The following RAB3GAP2 variants were observed in gnomAD, a reference collection of about 807,000 sequenced individuals.
RAB3GAP2 encodes rab3 GTPase-activating protein non-catalytic subunit.
Under a neutral mutation model 185.3 loss-of-function variants are expected in RAB3GAP2, and 87 were observed. That is an observed-to-expected ratio of 0.47 (90% confidence interval 0.39 to 0.56). RAB3GAP2 has a LOEUF of 0.56. RAB3GAP2 is among the 20% of genes least tolerant of loss of function. The probability of loss-of-function intolerance (pLI) is 0.00; values close to 1 mark genes in which losing one functional copy is unlikely to be tolerated. For missense variants in RAB3GAP2, 1,492 were observed against 1,638.2 expected (o/e 0.91, Z 1.54); for synonymous variants, 554 against 576.1 (o/e 0.96, Z 0.55).
At chr1:220,163,194 T>G (rs982036681) in intron 27 of RAB3GAP2, among the ~76,000 whole-genome samples, 1 of 152,100 alleles carries the variant, frequency 6.6e-6, no homozygotes. Flanking sequence ...AATTAGGCAA[T>G]GTAAACATGG....
At chr1:220,212,101 C>G (rs4351641) in intron 4 of RAB3GAP2, among the ~76,000 whole-genome samples, 1 of 152,080 alleles carries the variant, frequency 6.6e-6, no homozygotes, top group Middle Eastern at 3.4e-3. Flanking sequence ...TGTCACCATA[C>G]TGGATATCAT....
chr1:220,223,642 G>C (rs1239206646), intron 2 of RAB3GAP2, among the ~76,000 whole-genome samples: 2 of 151,138 alleles, frequency 1.3e-5, no homozygotes, highest in Non-Finnish European at 2.9e-5. Context: ...TCACAGTCTT[G>C]TTTCCCAATA....
intron 13 of RAB3GAP2, among the ~76,000 whole-genome samples, chr1:220,191,773 G>A (rs566264543): frequency 3.3e-5 from 5 of 151,250 alleles, no homozygotes; most frequent in African/African-American, 9.7e-5. Context: ...AGCCCAGATC[G>A]CACCATTGAA....
In RAB3GAP2 at chr1:220,182,237, A is replaced by G. The variant is rs1254084856; in HGVS notation, c.2310+20T>C. On this transcript the variant is annotated intron_variant, in intron 21 of 34. Transcript: ENST00000358951. ...ACATTCACAAGGAAGAACAGCATCCAGCAACCAAAAAAACCTTACCAACAA... is the reference window on the plus strand; with the variant it reads ...ACATTCACAAGGAAGAACAGCATCCGGCAACCAAAAAAACCTTACCAACAA... 3.1e-6 allele frequency: 5 copies of G among 1,613,986 alleles called. No homozygotes were observed. In the South Asian group the frequency reaches 4.4e-5, roughly 14 times the overall value.
rs557055157 is a variant in RAB3GAP2, at chr1:220,234,718, G to A, written c.116-1855C>T. ...CAAACATGGAACCATAATATATGGT[G>A]AGTGCAGTAATGGACTACTAATGGG... On this transcript the variant is annotated intron_variant, in intron 1 of 34. Coordinates refer to ENST00000358951, the MANE Select transcript of RAB3GAP2 (RefSeq NM_012414.4). Among the ~76,000 whole-genome samples the A allele has an allele frequency of 3.3e-5, 5 of 152,298 alleles. No homozygotes were observed. In the East Asian group the frequency reaches 5.8e-4, roughly 18 times the overall value.
Position 220,213,923 on chromosome 1 carries a change from AAC to A in RAB3GAP2, c.235_236del (p.Val79PhefsTer8). On this transcript the variant is annotated frameshift_variant, in exon 3 of 35. Transcript: ENST00000358951. LOFTEE classifies it high-confidence loss of function. The stretch of plus-strand genomic sequence containing the variant: ...GATCATTGGTTGGAGATAAGGATAA[AAC>A]ACAATCTTGGAGCCAGGAAGTTTTT... ...TQKTSWLQDC[V>X]LSLSPTNDLM... 1 of 1,613,350 alleles carries A rather than the reference AAC, an allele frequency of 6.2e-7. No homozygotes were observed. Among genetic ancestry groups the A allele is most frequent in the South Asian group, 1.1e-5 (1 of 91,066 alleles).
chr1:220,167,791 G>C, intron 24 of RAB3GAP2, 116 bp from the exon 25 acceptor site: 2 of 1,120,204 alleles, frequency 1.8e-6, no homozygotes, highest in Non-Finnish European at 2.7e-6. Flanking sequence ...TTCTCAGCCT[G>C]AAGCTGACCC....
In RAB3GAP2 at chr1:220,162,088, A is replaced by G. The variant is rs2164790; in HGVS notation, c.3225+110T>C. 0.25 allele frequency: 219,024 copies of G among 864,962 alleles called. 29,572 individuals carry two copies. The highest frequency in any genetic ancestry group is 0.38 in the East Asian group (14,855 of 38,760). The allele number at this position is 864,962 out of a possible 1,614,324, so 53.6% of individuals were successfully genotyped here. ...TTTAACTGAGTATGAGTAAAATCTA[A>G]TTATCAAATTAAAAAATAGTCTAAC... On this transcript the variant is annotated intron_variant, in intron 28 of 34. Transcript: ENST00000358951.
chr1:220,172,197 T>C, intron 22 of RAB3GAP2, 148 bp from the exon 23 acceptor site: 1 of 773,350 alleles, frequency 1.3e-6, no homozygotes. Flanking sequence ...ACAATCTATT[T>C]TATTCAGAAC....
chr1:220,153,730 T>C (rs1657804814), intron 32 of RAB3GAP2: 1 of 474,634 alleles, frequency 2.1e-6, no homozygotes, highest in Middle Eastern at 6.4e-4. Context: ...TAGGTATATC[T>C]CCTAATGCTA....
In RAB3GAP2 at chr1:220,170,990, A is replaced by G; in HGVS notation, c.2708T>C (p.Leu903Pro). ...LEDCLILQTL[L>P]HSKGNTQTSK... is the part of the protein sequence containing the mutation. ...GGTCTGAGTGTTCCCTTTGCTGTGA[A>G]GCAGAGTCTGAAGTATGAGACAATC... Residue 903 changes from leucine to proline, a missense_variant, in exon 24 of 35, where the codon CTT becomes CCT. Leu to Pro is a moderately conservative substitution (Grantham distance 98). Transcript: ENST00000358951. 6.2e-7 allele frequency: 1 copy of G among 1,614,220 alleles called. No homozygotes were observed.
chr1:220,242,842 A>G (rs1048681568), intron 1 of RAB3GAP2, among the ~76,000 whole-genome samples: 2 of 152,194 alleles, frequency 1.3e-5, no homozygotes, highest in East Asian at 1.9e-4. Context: ...TGAATACTAT[A>G]CATTGCAAAT....
chr1:220,173,273 A>T (rs895155988), intron 21 of RAB3GAP2, among the ~76,000 whole-genome samples: 2 of 152,246 alleles, frequency 1.3e-5, no homozygotes, highest in Admixed American at 1.3e-4. Context: ...TTAAGTCAAC[A>T]TAAGTGACTT....
intron 8 of RAB3GAP2, among the ~76,000 whole-genome samples, chr1:220,203,810 A>C (rs1053674968): frequency 2.1e-4 from 32 of 152,070 alleles, no homozygotes; most frequent in African/African-American, 7.5e-4. Context: ...AATTGTAAAA[A>C]AAGAACCACA....
chr1:220,221,725 C>T (rs1048703560), intron 2 of RAB3GAP2, among the ~76,000 whole-genome samples: 2 of 152,156 alleles, frequency 1.3e-5, no homozygotes, highest in East Asian at 1.9e-4. Context: ...TGGGATAGAG[C>T]ATATACTTTA....
Position 220,213,861 on chromosome 1 carries a change from AG to A in RAB3GAP2, c.298del (p.Leu100Ter), listed in dbSNP as rs1281051893. On this transcript the variant is annotated frameshift_variant, in exon 3 of 35. Coordinates refer to ENST00000358951, the MANE Select transcript of RAB3GAP2 (RefSeq NM_012414.4). LOFTEE classifies it high-confidence loss of function. ...GAAAATAATAGGATACTCACGCACT[AG>A]AAATACAGCTTTTTGCTCTCGAGCT... is the stretch of plus-strand genomic sequence containing the variant. ...VIAREQKAVFLVPKWKYSDKG... is the reference protein window; with the variant it reads ...VIAREQKAVFXVPKWKYSDKG... The A allele has an allele frequency of 6.2e-7, 1 of 1,613,010 alleles. No homozygotes were observed. Among genetic ancestry groups the A allele is most frequent in the Non-Finnish European group, 8.5e-7 (1 of 1,179,098 alleles).
intron 2 of RAB3GAP2, among the ~76,000 whole-genome samples, chr1:220,216,208 G>A (rs927570745): frequency 6.6e-6 from 1 of 152,110 alleles, no homozygotes; most frequent in Non-Finnish European, 1.5e-5. Flanking sequence ...ATAAGCTAAG[G>A]AGGCTGCACC....
At chr1:220,264,714 C>T (rs919237669) in intron 1 of RAB3GAP2, among the ~76,000 whole-genome samples, 1 of 151,964 alleles carries the variant, frequency 6.6e-6, no homozygotes, top group Admixed American at 6.6e-5. Context: ...TGTTTCACAT[C>T]TGTTGTCTAT....
chr1:220,269,996 T>A (rs771615308), intron 1 of RAB3GAP2, among the ~76,000 whole-genome samples: 39 of 152,216 alleles, frequency 2.6e-4, no homozygotes, highest in Non-Finnish European at 4.7e-4. Flanking sequence ...TATATTTCAC[T>A]TTTTAACCCC....
Sources: gnomAD v4.1 joint callset for allele counts (sites outside exome capture counted in the v4.1 genomes callset) on GRCh38, gnomAD v4.1.1 for gene constraint, MANE v1.5 for transcripts, NCBI Gene and HGNC (gene_info 2026-07-23, HGNC 2026-07-21) for gene names.